The following ERAP1 variants were observed in gnomAD, a reference collection of about 807,000 sequenced individuals.
The protein encoded by ERAP1 is adipocyte-derived leucine aminopeptidase.
ERAP1 carries 86 observed loss-of-function variants against 103.7 expected under a neutral mutation model. The ratio of observed to expected loss-of-function variants is 0.83; its 90% CI spans 0.70 to 0.99. The LOEUF (loss-of-function observed/expected upper bound fraction) is 0.99. ERAP1 is among the 50% of genes least tolerant of loss of function. The pLI is 0.00. For synonymous variants in ERAP1, 398 were observed against 402.4 expected, an observed-to-expected ratio of 0.99 and a Z score of 0.13; for missense variants, 1,009 against 1,128.4, an observed-to-expected ratio of 0.89 and a Z score of 1.52.
At chr5:96,871,474 T>G in the ERAP1 span, among the ~76,000 whole-genome samples, 1 of 152,222 alleles carries the variant, frequency 6.6e-6, no homozygotes, top group Non-Finnish European at 1.5e-5. Flanking sequence ...CATTACTGAT[T>G]TGGTTTAATC....
chr5:96,896,284 T>C, the ERAP1 span: 2 of 1,071,540 alleles, frequency 1.9e-6, no homozygotes, highest in Non-Finnish European at 2.7e-6. Flanking sequence ...ATCTTACCTC[T>C]AAGAACATCT....
chr5:96,784,814 C>A (rs901274025), intron 13 of ERAP1: 1 of 152,402 alleles, frequency 6.6e-6, no homozygotes, highest in Non-Finnish European at 1.5e-5. Context: ...TCCTTAGAAA[C>A]CCTTCATTAC....
the ERAP1 span, among the ~76,000 whole-genome samples, chr5:96,855,795 TC>T: frequency 6.6e-6 from 1 of 152,136 alleles, no homozygotes; most frequent in Non-Finnish European, 1.5e-5. Context: ...TCCCTGTTGG[TC>T]TTGTAGGTAA....
chr5:96,822,898 G>A, the ERAP1 span: 1 of 360,676 alleles, frequency 2.8e-6, no homozygotes, highest in Admixed American at 3.4e-5. Context: ...AGGGTCACAT[G>A]AGGCTGAATC....
At chr5:96,887,108 C>CATATACAT in the ERAP1 span, among the ~76,000 whole-genome samples, 70 of 138,584 alleles carry the variant, frequency 5.1e-4, 1 homozygote, top group African/African-American at 1.7e-3. Context: ...TATACACACA[C>CATATACAT]ACACACACAC....
chr5:96,887,892 G>A, the ERAP1 span, among the ~76,000 whole-genome samples: 3 of 152,274 alleles, frequency 2.0e-5, no homozygotes, highest in South Asian at 6.2e-4. Flanking sequence ...TTGGGAGGCG[G>A]AGGCTGGCAG....
chr5:96,902,387 T>C, the ERAP1 span: 1 of 1,343,794 alleles, frequency 7.4e-7, no homozygotes, highest in Non-Finnish European at 1.1e-6. Context: ...GGTATTTCAA[T>C]GTGGAAATTA....
At chr5:96,807,643 C>A (rs1399329589) in intron 1 of ERAP1, among the ~76,000 whole-genome samples, 1 of 151,944 alleles carries the variant, frequency 6.6e-6, no homozygotes, top group African/African-American at 2.4e-5. Flanking sequence ...GCCAGCGACT[C>A]CCCCCGCCCT....
downstream of ERAP1, chr5:96,773,022 T>C (rs1773015950): frequency 6.5e-6 from 1 of 153,886 alleles, no homozygotes; most frequent in Non-Finnish European, 1.5e-5. Flanking sequence ...TAATTTTTTT[T>C]GTTAGTGTTT....
the ERAP1 span, among the ~76,000 whole-genome samples, chr5:96,850,637 T>C: frequency 2.7e-4 from 41 of 152,186 alleles, no homozygotes; most frequent in Non-Finnish European, 5.0e-4. Context: ...TGTATGCTGT[T>C]GGTGGAATAA....
rs1227780253 is a variant in ERAP1 at position 96,767,851 on chromosome 5, A to G, written c.2819-4623T>C. On this transcript the variant is annotated intron_variant, in intron 19 of 19. Transcript: ENST00000296754. ...TGTAAGTGATGTGGGAAAAGACCCC[A>G]TATTGCATTTTGCCTTCTGCTTCTT... 6.0e-6 allele frequency: 6 copies of G among 993,538 alleles called. No individual in the cohort carries two copies. In the East Asian group the frequency reaches 1.2e-4, roughly 20 times the overall value. The allele number at this position is 993,538 out of a possible 1,614,324, so 61.5% of individuals were successfully genotyped here. A position where few individuals can be genotyped will look rare whatever the true frequency, so the allele number is the denominator to read the frequency against.
At chr5:96,912,758 T>C in the ERAP1 span, 11 of 1,601,644 alleles carry the variant, frequency 6.9e-6, no homozygotes, top group East Asian at 2.3e-5. Flanking sequence ...CAAAATTCTG[T>C]ATGCTTTGTC....
At chr5:96,898,802 A>G in the ERAP1 span, among the ~76,000 whole-genome samples, 13 of 151,848 alleles carry the variant, frequency 8.6e-5, no homozygotes, top group African/African-American at 2.9e-4. Context: ...ATCCATTTCC[A>G]TCACCCACCG....
intron 11 of ERAP1, among the ~76,000 whole-genome samples, chr5:96,787,783 AT>A (rs202022887): frequency 1.1e-4 from 8 of 71,508 alleles, no homozygotes; most frequent in Admixed American, 4.2e-4. Context: ...AGGTGTATAT[AT>A]TATATATATA....
chr5:96,879,979 A>G, the ERAP1 span: 3 of 1,614,210 alleles, frequency 1.9e-6, no homozygotes, highest in Non-Finnish European at 2.5e-6. Context: ...AGAAGATCGA[A>G]GTCTTGGTCA....
intron 4 of ERAP1, among the ~76,000 whole-genome samples, chr5:96,795,854 G>A (rs930303492): frequency 1.3e-5 from 2 of 152,162 alleles, no homozygotes; most frequent in African/African-American, 4.8e-5. Context: ...GCAAGAGCCA[G>A]CAGAAACAAC....
At chr5:96,788,768 A>T (rs1413063413) in intron 10 of ERAP1, 83 bp from the exon 11 acceptor site, 12 of 1,538,280 alleles carry the variant, frequency 7.8e-6, no homozygotes, top group Non-Finnish European at 1.1e-5. Flanking sequence ...ATGCTCAAAC[A>T]GCCGCTACCA....
Position 96,803,747 on chromosome 5 carries a change from T to A in ERAP1, c.180A>T (p.Pro60=). Residue 60 remains proline (P), a synonymous_variant, in exon 2 of 19, where the codon CCA becomes CCT. Coordinates refer to ENST00000443439, the MANE Select transcript of ERAP1 (RefSeq NM_001040458.3). ...CATGGATCAAGAGATCATAATGAAC[T>A]GGGATGACGTACTCAGGAAGTCGTA... ...NKIRLPEYVI[P]VHYDLLIHAN... 1 of 1,614,154 alleles carries A rather than the reference T, an allele frequency of 6.2e-7. No homozygotes were observed. Among genetic ancestry groups the A allele is most frequent in the Non-Finnish European group, 8.5e-7 (1 of 1,180,020 alleles).
At chr5:96,843,751 C>T in the ERAP1 span, among the ~76,000 whole-genome samples, 3 of 152,138 alleles carry the variant, frequency 2.0e-5, no homozygotes, top group Non-Finnish European at 4.4e-5. Context: ...GAGGACTAAA[C>T]TCTGACGGCC....
Sources: gnomAD v4.1 joint callset for allele counts (sites outside exome capture counted in the v4.1 genomes callset) on GRCh38, gnomAD v4.1.1 for gene constraint, MANE v1.5 for transcripts, NCBI Gene and HGNC (gene_info 2026-07-23, HGNC 2026-07-21) for gene names.